UGT1A10: variants seen among roughly 807,000 people sequenced by gnomAD.
UGT1A10 encodes UDP-glucuronosyltransferase 1A10.
In UGT1A10, 49 loss-of-function variants were observed where a neutral mutation model predicts 45.8. The observed-to-expected ratio is 1.07, with a 90% confidence interval of 0.85 to 1.36. The LOEUF (loss-of-function observed/expected upper bound fraction) is 1.36, where lower values mean the gene tolerates loss of function less well. Among genes scored for constraint, UGT1A10 ranks in the 40% most tolerant of loss-of-function variants. The pLI is 0.00. For missense variants in UGT1A10, 745 were observed against 668.6 expected (o/e 1.11, Z -1.26); for synonymous variants, 284 against 249.7 (o/e 1.14, Z -1.29).
At chr2:233,744,463 T>C (rs376604429) in intron 1 of UGT1A10, among the ~76,000 whole-genome samples, 1 of 151,892 alleles carries the variant, frequency 6.6e-6, no homozygotes, top group African/African-American at 2.4e-5. Flanking sequence ...TAAAACAGAA[T>C]TAAAAAGACA....
intron 1 of UGT1A10, among the ~76,000 whole-genome samples, chr2:233,730,968 A>T (rs552248982): frequency 2.6e-5 from 4 of 152,134 alleles, no homozygotes; most frequent in East Asian, 1.9e-4. Context: ...GTACTCTGGG[A>T]CCTGAATATT....
chr2:233,647,379 T>C (rs992308526), intron 1 of UGT1A10, among the ~76,000 whole-genome samples: 2 of 152,216 alleles, frequency 1.3e-5, no homozygotes, highest in Non-Finnish European at 2.9e-5. Flanking sequence ...GGTTTTGGTA[T>C]TGTGGTAATG....
chr2:233,772,178 T>C, intron 4 of UGT1A10, 84 bp from the exon 5 acceptor site: 1 of 1,584,068 alleles, frequency 6.3e-7, no homozygotes, highest in Non-Finnish European at 8.6e-7. Context: ...AATCTGGTAG[T>C]CTTCTTAAGC....
chr2:233,718,643 C>T, intron 1 of UGT1A10: 1 of 1,485,946 alleles, frequency 6.7e-7, no homozygotes, highest in South Asian at 1.3e-5. Context: ...AGGGTTGGGC[C>T]CATAACGAAA....
intron 1 of UGT1A10, among the ~76,000 whole-genome samples, chr2:233,656,449 G>C (rs536748791): frequency 8.5e-4 from 130 of 152,320 alleles, no homozygotes; most frequent in African/African-American, 2.9e-3. Context: ...TCCGGTGGAG[G>C]TGCACTTGTT....
chr2:233,718,465 T>G (rs2076655710), intron 1 of UGT1A10, among the ~76,000 whole-genome samples: 1 of 152,222 alleles, frequency 6.6e-6, no homozygotes, highest in Non-Finnish European at 1.5e-5. Context: ...AGACCTCAGC[T>G]GCAGCCTGAT....
Position 233,768,222 on chromosome 2 carries a change from C to G in UGT1A10, c.1078C>G (p.His360Asp). 1 of 1,614,186 alleles carries G rather than the reference C, an allele frequency of 6.2e-7. No homozygotes were observed. Among genetic ancestry groups the G allele is most frequent in the Non-Finnish European group, 8.5e-7 (1 of 1,180,046 alleles). The change falls in exon 4 of 5, where the codon CAC becomes GAC. Residue 360 changes from histidine to aspartate, a missense_variant and splice_region_variant. His to Asp is a moderately conservative substitution (Grantham distance 81, BLOSUM62 -1). Coordinates refer to ENST00000344644, the MANE Select transcript of UGT1A10 (RefSeq NM_019075.4). ...ATCCTCCCTATTTTGCATCTCAGGT[C>G]ACCCGATGACCCGTGCCTTTATCAC... ...KWLPQNDLLG[H>D]PMTRAFITHA... is the part of the protein sequence containing the mutation.
intron 1 of UGT1A10, among the ~76,000 whole-genome samples, chr2:233,658,252 CAA>C (rs2073897548): frequency 6.6e-6 from 1 of 152,182 alleles, no homozygotes; most frequent in South Asian, 2.1e-4. Flanking sequence ...CTCCTGACCT[CAA>C]GAGACCCACG....
intron 1 of UGT1A10, chr2:233,756,309 C>A (rs1335647268): frequency 7.9e-5 from 12 of 152,226 alleles, no homozygotes; most frequent in Non-Finnish European, 1.6e-4. Context: ...ATAACCTACC[C>A]ATATCCTCCT....
rs566468987 is a variant in UGT1A10, at chr2:233,735,438, T to C, written c.856-31596T>C. ...TGAGATAGGCCTCCTGAATACAGCA[T>C]ACCGATGGGCCTTGACTCTTTATCC... On this transcript the variant is annotated intron_variant, in intron 1 of 4. Transcript: ENST00000344644. Among the ~76,000 whole-genome samples, 10 of 152,290 alleles carry C rather than the reference T, an allele frequency of 6.6e-5. No homozygotes were observed. The East Asian group carries it at 7.7e-4, about 12-fold the overall frequency.
At chr2:233,766,402 C>T (rs1334615620) in intron 1 of UGT1A10, among the ~76,000 whole-genome samples, 1 of 152,212 alleles carries the variant, frequency 6.6e-6, no homozygotes, top group African/African-American at 2.4e-5. Context: ...TTGCGTCCCT[C>T]CGCTGATGTG....
At chr2:233,652,710 T>C (rs2073768779) in intron 1 of UGT1A10, among the ~76,000 whole-genome samples, 1 of 152,182 alleles carries the variant, frequency 6.6e-6, no homozygotes. Flanking sequence ...GCCAAGACTG[T>C]TCAAATGGGA....
chr2:233,689,331 T>G (rs2074938203), intron 1 of UGT1A10, among the ~76,000 whole-genome samples: 1 of 152,238 alleles, frequency 6.6e-6, no homozygotes, highest in African/African-American at 2.4e-5. Context: ...CACTGAGATT[T>G]GCAATGGGAG....
At chr2:233,682,639 T>C (rs200299318) in intron 1 of UGT1A10, 26 of 1,613,792 alleles carry the variant, frequency 1.6e-5, no homozygotes, top group Non-Finnish European at 2.2e-5. Context: ...CCTCTGAAAT[T>C]CTCCAAACCC....
At chr2:233,735,234 CTTG>C (rs1328873988) in intron 1 of UGT1A10, among the ~76,000 whole-genome samples, 2 of 152,132 alleles carry the variant, frequency 1.3e-5, no homozygotes, top group African/African-American at 4.8e-5. Context: ...ATAGTTAGCT[CTTG>C]TTGTTGAATT....
intron 1 of UGT1A10, chr2:233,760,208 A>G: frequency 6.3e-7 from 1 of 1,589,248 alleles, no homozygotes; most frequent in Non-Finnish European, 8.5e-7. Flanking sequence ...TCAAACATTA[A>G]CTTGGTGTAT....
intron 1 of UGT1A10, among the ~76,000 whole-genome samples, chr2:233,716,751 G>C (rs900841882): frequency 3.9e-5 from 6 of 152,184 alleles, no homozygotes; most frequent in African/African-American, 1.4e-4. Context: ...GATTGGGAGA[G>C]GGGAGCTAGA....
At chr2:233,724,636 G>A (rs1302361231) in intron 1 of UGT1A10, among the ~76,000 whole-genome samples, 4 of 141,026 alleles carry the variant, frequency 2.8e-5, no homozygotes, top group Admixed American at 7.0e-5. Flanking sequence ...CTTCCTAGAT[G>A]TGATGGCGGC....
rs2074489627 is a variant in UGT1A10, at chr2:233,680,539, C to T, written c.855+43162C>T. On this transcript the variant is annotated intron_variant, in intron 1 of 4. Transcript: ENST00000344644. ...TGCCCTGAGGTTGGCTGTTGAATCC[C>T]TCACGAAATGCTCCTCAGTGTGTTG... is the stretch of plus-strand genomic sequence containing the variant. Among the ~76,000 whole-genome samples the T allele has an allele frequency of 2.0e-5, 3 of 152,162 alleles. No individual in the cohort carries two copies. In the South Asian group the frequency reaches 6.2e-4, roughly 32 times the overall value.
Sources: allele counts gnomAD v4.1 joint callset (sites outside exome capture counted in the v4.1 genomes callset), GRCh38; gene constraint gnomAD v4.1.1; transcripts MANE v1.5; gene names NCBI Gene and HGNC (gene_info 2026-07-23, HGNC 2026-07-21).